Variants in SLC24A2 observed in about 807,000 individuals in gnomAD.
The protein encoded by SLC24A2 is sodium/potassium/calcium exchanger 2.
In SLC24A2, 36 loss-of-function variants were observed where a neutral mutation model predicts 62.0. The observed-to-expected ratio is 0.58, with a 90% confidence interval of 0.44 to 0.77. SLC24A2 has a LOEUF of 0.77. Ranked by LOEUF, SLC24A2 falls within the 30% of genes least tolerant of loss-of-function variation. The pLI is 0.00. For missense variants in SLC24A2, 846 were observed against 817.9 expected, an observed-to-expected ratio of 1.03 and a Z score of -0.42; for synonymous variants, 358 against 294.0, an observed-to-expected ratio of 1.22 and a Z score of -2.23.
the SLC24A2 span, among the ~76,000 whole-genome samples, chr9:20,051,657 C>CTCTTTTTTTTTTTTTTTTTTTTTTT: frequency 7.3e-4 from 54 of 73,498 alleles, 1 homozygote; most frequent in Admixed American, 2.0e-3. Flanking sequence ...TTTTCTTTCT[C>CTCTTTTTTTTTTTTTTTTTTTTTTT]TTTTTTTTTT....
At chr9:20,296,637 A>G in the SLC24A2 span, among the ~76,000 whole-genome samples, 3 of 152,196 alleles carry the variant, frequency 2.0e-5, no homozygotes, top group Admixed American at 6.5e-5. Flanking sequence ...TGAAGTCCCA[A>G]TTCTTCGGGT....
At chr9:20,139,207 C>G in the SLC24A2 span, among the ~76,000 whole-genome samples, 1 of 152,166 alleles carries the variant, frequency 6.6e-6, no homozygotes, top group African/African-American at 2.4e-5. Context: ...GAAAAGGCCT[C>G]TGAGAACTGT....
chr9:19,598,629 A>T (rs367572520), intron 4 of SLC24A2, among the ~76,000 whole-genome samples: 1 of 152,038 alleles, frequency 6.6e-6, no homozygotes, highest in African/African-American at 2.4e-5. Context: ...AATTTTTTTC[A>T]TGACTTCTGG....
chr9:20,167,411 C>A, the SLC24A2 span, among the ~76,000 whole-genome samples: 1 of 151,866 alleles, frequency 6.6e-6, no homozygotes, highest in Non-Finnish European at 1.5e-5. Flanking sequence ...GATATGGAAT[C>A]GGGGAAGGCA....
At chr9:19,898,813 T>G in the SLC24A2 span, among the ~76,000 whole-genome samples, 2 of 151,108 alleles carry the variant, frequency 1.3e-5, no homozygotes, top group African/African-American at 4.9e-5. Context: ...AGGTGACCAA[T>G]TATTACTCAA....
chr9:20,006,074 A>G, the SLC24A2 span, among the ~76,000 whole-genome samples: 4 of 151,802 alleles, frequency 2.6e-5, no homozygotes, highest in African/African-American at 9.7e-5. Context: ...CTGGCTTAAT[A>G]AGAAACTACA....
At chr9:20,296,868 C>G in the SLC24A2 span, among the ~76,000 whole-genome samples, 141 of 152,226 alleles carry the variant, frequency 9.3e-4, 1 homozygote, top group African/African-American at 3.3e-3. Context: ...GTACACCTGA[C>G]TGTTTATGCT....
the SLC24A2 span, among the ~76,000 whole-genome samples, chr9:20,233,508 C>G: frequency 5.7e-3 from 862 of 151,942 alleles, 8 homozygotes; most frequent in East Asian, 0.017. Flanking sequence ...TTTGATCTTT[C>G]TTGGTTTAAA....
chr9:20,205,305 C>G, the SLC24A2 span, among the ~76,000 whole-genome samples: 1 of 152,152 alleles, frequency 6.6e-6, no homozygotes, highest in South Asian at 2.1e-4. Flanking sequence ...CTGAACTACT[C>G]AATCTTTTCA....
At chr9:20,143,295 C>T in the SLC24A2 span, among the ~76,000 whole-genome samples, 2 of 152,116 alleles carry the variant, frequency 1.3e-5, no homozygotes, top group Non-Finnish European at 2.9e-5. Context: ...TGCCAACTCC[C>T]AATCTTGGGC....
the SLC24A2 span, among the ~76,000 whole-genome samples, chr9:20,051,463 G>A: frequency 2.0e-5 from 3 of 152,038 alleles, no homozygotes; most frequent in South Asian, 4.1e-4. Context: ...GGATAGATAA[G>A]ATGTCAACAA....
At chr9:19,850,963 A>ATG in the SLC24A2 span, among the ~76,000 whole-genome samples, 82 of 23,000 alleles carry the variant, frequency 3.6e-3, 4 homozygotes, top group African/African-American at 7.1e-3. Context: ...ATATATATAT[A>ATG]TATGTATATA....
At chr9:19,592,671 C>G (rs997342299) in intron 5 of SLC24A2, among the ~76,000 whole-genome samples, 14 of 152,158 alleles carry the variant, frequency 9.2e-5, no homozygotes, top group Admixed American at 6.5e-5. Context: ...ATCACACAAA[C>G]TTGCCTACTT....
rs2132869244 is a variant in SLC24A2 at position 19,583,746 on chromosome 9, C to T, written c.1130-6724G>A. ...ATGGGGTGTACCAGGTGTTTATACTCCAGTGGTGGAAGGCAGGGGAGACAC... is the reference window on the plus strand; with the variant it reads ...ATGGGGTGTACCAGGTGTTTATACTTCAGTGGTGGAAGGCAGGGGAGACAC... On this transcript the variant is annotated intron_variant, in intron 5 of 10. Transcript: ENST00000341998. 1.3e-5 allele frequency among the ~76,000 whole-genome samples: 2 copies of T among 152,214 alleles called. 1 individual carries two copies.
intron 2 of SLC24A2, among the ~76,000 whole-genome samples, chr9:19,652,877 C>T (rs1564018926): frequency 1.3e-5 from 2 of 151,786 alleles, no homozygotes; most frequent in Non-Finnish European, 2.9e-5. Flanking sequence ...GAAGCCCCTG[C>T]TATGTGCCAG....
the SLC24A2 span, among the ~76,000 whole-genome samples, chr9:19,911,910 G>A: frequency 2.6e-5 from 4 of 152,090 alleles, no homozygotes; most frequent in Admixed American, 1.3e-4. Context: ...AACATATGTG[G>A]ATACATTTGA....
At chr9:20,285,213 A>G in the SLC24A2 span, among the ~76,000 whole-genome samples, 4 of 152,174 alleles carry the variant, frequency 2.6e-5, no homozygotes, top group African/African-American at 9.7e-5. Context: ...CTAACATCCA[A>G]TGTGACTGCA....
At chr9:19,606,408 G>A (rs1836985030) in intron 4 of SLC24A2, among the ~76,000 whole-genome samples, 1 of 152,192 alleles carries the variant, frequency 6.6e-6, no homozygotes. Context: ...GCTGCCATCT[G>A]GGAGGTCAAA....
the SLC24A2 span, among the ~76,000 whole-genome samples, chr9:20,233,654 C>T: frequency 6.6e-6 from 1 of 152,218 alleles, no homozygotes; most frequent in Non-Finnish European, 1.5e-5. Flanking sequence ...GAATACAGTA[C>T]ACTGACGGGT....
Sources: allele counts gnomAD v4.1 joint callset (sites outside exome capture counted in the v4.1 genomes callset), GRCh38; gene constraint gnomAD v4.1.1; transcripts MANE v1.5; gene names NCBI Gene and HGNC (gene_info 2026-07-23, HGNC 2026-07-21).